HPS5: variants seen among roughly 807,000 people sequenced by gnomAD.
The protein encoded by HPS5 is BLOC-2 complex member HPS5.
HPS5 carries 83 observed loss-of-function variants against 128.0 expected under a neutral mutation model. The observed-to-expected ratio is 0.65, with a 90% CI of 0.54 to 0.78. HPS5 has a LOEUF of 0.78. Ranked by LOEUF, HPS5 falls within the 30% of genes least tolerant of loss-of-function variation. HPS5 has a pLI of 0.00. For missense variants in HPS5, 1,281 were observed against 1,326.2 expected, an observed-to-expected ratio of 0.97 and a Z score of 0.53; for synonymous variants, 475 against 470.2, an observed-to-expected ratio of 1.01 and a Z score of -0.13.
At chr11:18,286,900 G>C (rs1345016021) in intron 18 of HPS5, 190 bp from the exon 19 acceptor site, 5 of 616,336 alleles carry the variant, frequency 8.1e-6, no homozygotes, top group Non-Finnish European at 1.4e-5. Context: ...AATGTCAAAG[G>C]GCCAAAAAAG....
rs1230723605 is a variant in HPS5 at position 18,292,933 on chromosome 11, A to T, written c.1828T>A (p.Phe610Ile). The change falls in exon 15 of 23, where the codon TTC (phenylalanine) becomes ATC (isoleucine). Residue 610 changes from phenylalanine to isoleucine, a missense_variant. Coordinates refer to ENST00000349215, the MANE Select transcript of HPS5 (RefSeq NM_181507.2). ...GCTGTTGCTACTTTAAGCTCCTGGA[A>T]CCTGTCTTCTTCTGGAGGTGGACTA... Reference protein sequence around the residue: ...VTSPPPEEDRFQELKVATAEA... With the variant: ...VTSPPPEEDRIQELKVATAEA... 3 of 1,613,952 alleles carry T rather than the reference A, an allele frequency of 1.9e-6. No individual in the cohort carries two copies. In the African/African-American group the frequency reaches 4.0e-5, roughly 22 times the overall value.
intron 12 of HPS5, chr11:18,296,433 G>C (rs1250567634): frequency 3.7e-6 from 2 of 544,984 alleles, no homozygotes; most frequent in Non-Finnish European, 6.5e-6. Context: ...CATCGAAAAA[G>C]GAAGGCAATG....
chr11:18,298,849 T>G lies in HPS5; in HGVS notation c.1107A>C (p.Leu369=), dbSNP rs751923169. 1.9e-6 allele frequency: 3 copies of G among 1,614,200 alleles called. No individual in the cohort carries two copies. Among genetic ancestry groups the G allele is most frequent in the Non-Finnish European group, 2.5e-6 (3 of 1,180,038 alleles). ...RCVERLLRRG[L]WNLAARTCCL... ...AGCATGTACGAGCAGCCAAGTTCCATAGGCCTCTTCTTAGCAGGCGTTCCA... is the reference window on the plus strand; with the variant it reads ...AGCATGTACGAGCAGCCAAGTTCCAGAGGCCTCTTCTTAGCAGGCGTTCCA... Residue 369 remains leucine (L), a synonymous_variant, in exon 10 of 23, where the codon CTA becomes CTC. Coordinates refer to ENST00000349215, the MANE Select transcript of HPS5 (RefSeq NM_181507.2).
chr11:18,302,614 A>C (rs2134392265), intron 8 of HPS5, among the ~76,000 whole-genome samples: 1 of 152,210 alleles, frequency 6.6e-6, no homozygotes, highest in Non-Finnish European at 1.5e-5. Context: ...CAAGAGTACT[A>C]AAAATGGTTC....
At chr11:18,300,509 C>T (rs531862095) in intron 9 of HPS5, among the ~76,000 whole-genome samples, 2 of 151,612 alleles carry the variant, frequency 1.3e-5, no homozygotes, top group African/African-American at 4.8e-5. Context: ...CCAGCCTGGC[C>T]AACATGGCGA....
chr11:18,286,068 G>A (rs1859673128), intron 19 of HPS5, among the ~76,000 whole-genome samples: 1 of 152,180 alleles, frequency 6.6e-6, no homozygotes, highest in Non-Finnish European at 1.5e-5. Context: ...TTTCTAAAAG[G>A]AATCATCAGA....
At chr11:18,295,286 A>G in intron 13 of HPS5, 117 bp from the exon 14 acceptor site, 3 of 879,400 alleles carry the variant, frequency 3.4e-6, no homozygotes, top group Non-Finnish European at 5.4e-6. Flanking sequence ...TGGACTTAGT[A>G]AAGACTGTTT....
chr11:18,281,258 T>A (rs140005968), intron 22 of HPS5, among the ~76,000 whole-genome samples: 18,096 of 149,766 alleles, frequency 0.12, 1,212 homozygotes, highest in African/African-American at 0.17. Flanking sequence ...TTTTTGCATT[T>A]TTTTTTTTTT....
At chr11:18,284,732 A>C (rs770393598) in intron 20 of HPS5, among the ~76,000 whole-genome samples, 106 of 152,336 alleles carry the variant, frequency 7.0e-4, no homozygotes, top group Middle Eastern at 3.4e-3. Context: ...AGGGAAAAGA[A>C]AGACACAAGT....
chr11:18,283,919 T>C lies in HPS5; in HGVS notation c.2952-18A>G, dbSNP rs1048719019. 8 of 1,565,704 alleles carry C rather than the reference T, an allele frequency of 5.1e-6. No individual in the cohort carries two copies. Among genetic ancestry groups the C allele is most frequent in the African/African-American group, 1.4e-5 (1 of 73,938 alleles). ...GCCAGAAACTTTAAAGAGACCGAAGTTGAAGAAAGGAATAAAAGGCCATGA... is the reference window on the plus strand; with the variant it reads ...GCCAGAAACTTTAAAGAGACCGAAGCTGAAGAAAGGAATAAAAGGCCATGA... On this transcript the variant is annotated intron_variant, in intron 20 of 22. Transcript: ENST00000349215.
chr11:18,296,157 T>A, intron 12 of HPS5, 35 bp from the exon 13 acceptor site: 1 of 1,603,954 alleles, frequency 6.2e-7, no homozygotes. Context: ...AGAAACAAAA[T>A]CTAATCACGT....
rs1398145840 is a variant in HPS5, at chr11:18,297,611, A to AT, written c.1270_1271insA (p.Phe424TyrfsTer2). The AT allele has an allele frequency of 3.1e-6, 5 of 1,613,984 alleles. No individual in the cohort carries two copies. The highest frequency in any genetic ancestry group is 4.2e-6 in the Non-Finnish European group (5 of 1,179,964). On this transcript the variant is annotated frameshift_variant, in exon 11 of 23. Transcript: ENST00000349215. LOFTEE classifies it high-confidence loss of function. The stretch of plus-strand genomic sequence containing the variant: ...GCTACAAGCTGAATCCAAAGGTTCA[A>AT]ATTTTAAGATCAATTCTTCCAGTTG...
At chr11:18,280,046 G>T in intron 22 of HPS5, 104 bp from the exon 23 acceptor site, 1 of 1,166,220 alleles carries the variant, frequency 8.6e-7, no homozygotes, top group Non-Finnish European at 1.3e-6. Context: ...AAAGTTGACT[G>T]ATTCTGTGCA....
Position 18,285,370 on chromosome 11 carries a change from A to G in HPS5, c.2927T>C (p.Met976Thr). The change falls in exon 20 of 23, where the codon ATG becomes ACG. Residue 976 changes from methionine to threonine, a missense_variant. Met to Thr is a moderately conservative substitution (Grantham distance 81, BLOSUM62 -1). Coordinates refer to ENST00000349215, the MANE Select transcript of HPS5 (RefSeq NM_181507.2). Reference protein sequence around the residue: ...LPADFITKEKMTDICRSCGFW... With the variant: ...LPADFITKEKTTDICRSCGFW... ...CCCACAAGACCTGCAGATGTCTGTC[A>G]TTTTCTCTTTGGTTATAAAATCTGC... 1 of 1,612,074 alleles carries G rather than the reference A, an allele frequency of 6.2e-7. No individual in the cohort carries two copies. Among genetic ancestry groups the G allele is most frequent in the Non-Finnish European group, 8.5e-7 (1 of 1,178,312 alleles).
chr11:18,309,609 T>C (rs765460711), intron 5 of HPS5, among the ~76,000 whole-genome samples: 3 of 152,272 alleles, frequency 2.0e-5, no homozygotes, highest in Non-Finnish European at 2.9e-5. Context: ...AGGGTTTCTA[T>C]ATTTTAGGTC....
chr11:18,281,374 A>C (rs1858918730), intron 22 of HPS5, among the ~76,000 whole-genome samples: 1 of 151,584 alleles, frequency 6.6e-6, no homozygotes, highest in Non-Finnish European at 1.5e-5. Flanking sequence ...GATTACAGGC[A>C]TAAGCCACCG....
chr11:18,311,837 G>T, intron 3 of HPS5, 77 bp downstream of exon 3: 1 of 1,014,530 alleles, frequency 9.9e-7, no homozygotes, highest in Non-Finnish European at 1.6e-6. Flanking sequence ...TATTCCAAAT[G>T]ATTATTTATA....
intron 20 of HPS5, among the ~76,000 whole-genome samples, chr11:18,284,103 T>C (rs988164401): frequency 9.9e-5 from 15 of 152,108 alleles, no homozygotes; most frequent in Middle Eastern, 3.4e-3. Flanking sequence ...GTGGCCACCA[T>C]TGGACAGTTC....
At chr11:18,318,532 T>G (rs1863909131) in intron 1 of HPS5, among the ~76,000 whole-genome samples, 1 of 152,150 alleles carries the variant, frequency 6.6e-6, no homozygotes, top group Admixed American at 6.6e-5. Flanking sequence ...AGAATACGGA[T>G]AAGAATACAA....
Sources: allele counts gnomAD v4.1 joint callset (sites outside exome capture counted in the v4.1 genomes callset), GRCh38; gene constraint gnomAD v4.1.1; transcripts MANE v1.5; gene names NCBI Gene and HGNC (gene_info 2026-07-23, HGNC 2026-07-21).